The following SLAMF9 variants were observed in gnomAD, a reference collection of about 807,000 sequenced individuals.
SLAMF9 encodes the protein SLAM family member 9, also known as CD2 family member 10.
SLAMF9 carries 25 observed loss-of-function variants against 30.4 expected under a neutral mutation model. The observed-to-expected ratio is 0.82, with a 90% CI of 0.60 to 1.15. The LOEUF (loss-of-function observed/expected upper bound fraction) is 1.15, where lower values mean the gene tolerates loss of function less well. Among genes scored for constraint, SLAMF9 ranks in the 50% most tolerant of loss-of-function variants. SLAMF9 has a pLI of 0.00. For missense variants in SLAMF9, 344 were observed against 346.1 expected (o/e 0.99, Z 0.05); for synonymous variants, 129 against 127.2 (o/e 1.01, Z -0.09).
Position 159,953,396 on chromosome 1 carries a change from A to C in SLAMF9, c.304T>G (p.Trp102Gly). ...SYSLHISNLS[W>G]EDSGLYQAQV... Reference sequence around the variant, plus strand: ...GCTTGGTAAAGCCCTGAATCCTCCCAGCTCAGATTGCTGATATGCAGGGAA... The same window carrying C: ...GCTTGGTAAAGCCCTGAATCCTCCCCGCTCAGATTGCTGATATGCAGGGAA... The change falls in exon 2 of 4, where the codon TGG becomes GGG. Residue 102 changes from tryptophan (W) to glycine (G), a missense_variant. By Grantham distance (184) the Trp-to-Gly change is radical. Coordinates refer to ENST00000368093, the MANE Select transcript of SLAMF9 (RefSeq NM_033438.4). The C allele has an allele frequency of 6.2e-7, 1 of 1,614,228 alleles. No homozygotes were observed. Among genetic ancestry groups the C allele is most frequent in the Non-Finnish European group, 8.5e-7 (1 of 1,180,032 alleles).
the SLAMF9 span, among the ~76,000 whole-genome samples, chr1:159,981,182 C>A: frequency 6.6e-6 from 1 of 152,090 alleles, no homozygotes; most frequent in Non-Finnish European, 1.5e-5. Context: ...CTAATCCATT[C>A]TGATTGGTGT....
At chr1:159,973,576 T>C in the SLAMF9 span, among the ~76,000 whole-genome samples, 1 of 152,206 alleles carries the variant, frequency 6.6e-6, no homozygotes, top group Non-Finnish European at 1.5e-5. Flanking sequence ...AGTGCCCCAC[T>C]CCCAGGAATC....
At position 159,951,724 on chromosome 1, in the gene SLAMF9, C is replaced by A. The variant is rs1448789112; in HGVS notation, c.807G>T (p.Lys269Asn). Residue 269 changes from lysine to asparagine, a missense_variant, in exon 4 of 4, where the codon AAG becomes AAT. Physicochemically the swap from Lys to Asn is moderately conservative, Grantham distance 94 (BLOSUM62 0). Transcript: ENST00000368093. ...ATTTCATTCTGTTTCTCATGAGTTT[C>A]TTCATCCTTGGCATTTTGTGTCTTT... ...VQKRHKMPRMKKLMRNRMKLR... is the reference protein window; with the variant it reads ...VQKRHKMPRMNKLMRNRMKLR... The A allele has an allele frequency of 6.2e-7, 1 of 1,614,090 alleles. No individual in the cohort carries two copies. The highest frequency in any genetic ancestry group is 1.3e-5 in the African/African-American group (1 of 74,918).
the SLAMF9 span, chr1:159,983,678 G>C: frequency 1.3e-5 from 2 of 152,272 alleles, no homozygotes; most frequent in Non-Finnish European, 2.9e-5. Context: ...GGCACTTAGA[G>C]AGCAATTAAT....
chr1:159,982,893 G>A, the SLAMF9 span: 1 of 152,244 alleles, frequency 6.6e-6, no homozygotes, highest in African/African-American at 2.4e-5. Context: ...GCTGGGTGTG[G>A]TGGCACGTGC....
upstream of SLAMF9, among the ~76,000 whole-genome samples, chr1:159,958,011 T>C (rs1273803639): frequency 6.6e-6 from 1 of 152,190 alleles, no homozygotes; most frequent in African/African-American, 2.4e-5. Flanking sequence ...CGTCTCACAG[T>C]CTCAGCTGAC....
At chr1:159,974,083 G>A in the SLAMF9 span, 10 of 1,548,690 alleles carry the variant, frequency 6.5e-6, no homozygotes, top group African/African-American at 1.4e-5. Flanking sequence ...CAGAGGAACA[G>A]GGCAGCCCTG....
At chr1:159,966,118 C>T in the SLAMF9 span, among the ~76,000 whole-genome samples, 99 of 152,322 alleles carry the variant, frequency 6.5e-4, no homozygotes, top group South Asian at 3.9e-3. Flanking sequence ...TTCCTTCACT[C>T]CTCCTCTGCC....
the SLAMF9 span, among the ~76,000 whole-genome samples, chr1:159,961,932 G>A: frequency 9.9e-5 from 15 of 152,190 alleles, no homozygotes; most frequent in African/African-American, 3.6e-4. Flanking sequence ...GCGGAGGCGG[G>A]CGGATCACAA....
rs1651845147 is a variant in SLAMF9, at chr1:159,953,585, T to C, written c.115A>G (p.Ser39Gly). The C allele has an allele frequency of 6.2e-7, 1 of 1,613,960 alleles. No individual in the cohort carries two copies. The highest frequency in any genetic ancestry group is 1.1e-5 in the South Asian group (1 of 91,082). ...EVVAVLQESISLPLEIPPDEE... is the reference protein window; with the variant it reads ...EVVAVLQESIGLPLEIPPDEE... Reference sequence around the variant, plus strand: ...TCTGGTGGTATTTCCAGGGGGAGGCTGATGGACTCCTGAAGGACCGCAACC... The same window carrying C: ...TCTGGTGGTATTTCCAGGGGGAGGCCGATGGACTCCTGAAGGACCGCAACC... Residue 39 changes from serine (S) to glycine (G), a missense_variant, in exon 2 of 4, where the codon AGC (serine) becomes GGC (glycine). Transcript: ENST00000368093.
chr1:159,953,100 C>T (rs770545341), intron 2 of SLAMF9, among the ~76,000 whole-genome samples: 4 of 152,184 alleles, frequency 2.6e-5, no homozygotes, highest in Admixed American at 6.5e-5. Flanking sequence ...CGGACAGCCT[C>T]CTTGCTCCAG....
chr1:159,964,078 C>T, the SLAMF9 span, among the ~76,000 whole-genome samples: 1 of 151,968 alleles, frequency 6.6e-6, no homozygotes, highest in African/African-American at 2.4e-5. Context: ...AACAAACAAA[C>T]AAAAAAGACA....
chr1:159,969,671 T>C, the SLAMF9 span, among the ~76,000 whole-genome samples: 1 of 152,224 alleles, frequency 6.6e-6, no homozygotes, highest in African/African-American at 2.4e-5. Context: ...ATTAGGCTTA[T>C]GAAAATATTT....
the SLAMF9 span, among the ~76,000 whole-genome samples, chr1:159,964,507 C>T: frequency 2.6e-5 from 4 of 152,120 alleles, no homozygotes; most frequent in Non-Finnish European, 5.9e-5. Flanking sequence ...AGTTCTGATG[C>T]AGAACTTGTT....
At chr1:159,972,736 T>C in the SLAMF9 span, 63 of 327,464 alleles carry the variant, frequency 1.9e-4, 1 homozygote, top group East Asian at 2.4e-3. Flanking sequence ...AAGTACAGGA[T>C]TGGAGGGGAG....
upstream of SLAMF9, among the ~76,000 whole-genome samples, chr1:159,954,992 C>T (rs1651892338): frequency 6.6e-6 from 1 of 150,964 alleles, no homozygotes; most frequent in African/African-American, 2.4e-5. Flanking sequence ...GCAAGAGAAT[C>T]ACTTGAACCC....
At chr1:159,975,689 C>A in the SLAMF9 span, among the ~76,000 whole-genome samples, 5 of 151,762 alleles carry the variant, frequency 3.3e-5, no homozygotes, top group Non-Finnish European at 7.4e-5. Context: ...ATTGCCTGGG[C>A]AAGAGAGAGA....
At chr1:159,969,960 G>A in the SLAMF9 span, among the ~76,000 whole-genome samples, 1 of 152,130 alleles carries the variant, frequency 6.6e-6, no homozygotes, top group African/African-American at 2.4e-5. Flanking sequence ...TGAGATGGGA[G>A]GATCGCTTGA....
the SLAMF9 span, among the ~76,000 whole-genome samples, chr1:159,964,723 G>T: frequency 1.3e-5 from 2 of 152,146 alleles, no homozygotes; most frequent in African/African-American, 4.8e-5. Flanking sequence ...TTGTTGGCAG[G>T]ATTTTACTTG....
Sources: allele counts gnomAD v4.1 joint callset (sites outside exome capture counted in the v4.1 genomes callset), GRCh38; gene constraint gnomAD v4.1.1; transcripts MANE v1.5; gene names NCBI Gene and HGNC (gene_info 2026-07-23, HGNC 2026-07-21).